Variants in CADM2 observed in about 807,000 individuals in gnomAD.
The protein encoded by CADM2 is immunoglobulin superfamily member 4D.
A neutral mutation model predicts 49.8 loss-of-function variants in CADM2; 12 were observed. The observed-to-expected ratio is 0.24, with a 90% CI of 0.15 to 0.39. CADM2 has a LOEUF of 0.39. Ranked by LOEUF, CADM2 falls within the 10% of genes least tolerant of loss-of-function variation. The pLI, the probability that CADM2 is intolerant of heterozygous loss-of-function variation, is 1.00. For synonymous variants in CADM2, 214 were observed against 175.4 expected, an observed-to-expected ratio of 1.22 and a Z score of -1.74; for missense variants, 378 against 492.3, an observed-to-expected ratio of 0.77 and a Z score of 2.20.
intron 1 of CADM2, among the ~76,000 whole-genome samples, chr3:85,281,250 G>T (rs779391962): frequency 6.6e-6 from 1 of 151,838 alleles, no homozygotes; most frequent in African/African-American, 2.4e-5. Flanking sequence ...CTAAATCATT[G>T]TGTGTTTGTA....
intron 1 of CADM2, among the ~76,000 whole-genome samples, chr3:85,420,795 T>A (rs933350810): frequency 3.3e-5 from 5 of 152,156 alleles, no homozygotes; most frequent in East Asian, 1.9e-4. Flanking sequence ...ATGTGATAAA[T>A]AAGACTTTTT....
intron 2 of CADM2, among the ~76,000 whole-genome samples, chr3:85,737,235 ATCT>A (rs999989334): frequency 6.6e-6 from 1 of 152,182 alleles, no homozygotes; most frequent in Admixed American, 6.5e-5. Context: ...AGAAGATAAG[ATCT>A]TCTTTACCTA....
chr3:85,237,131 C>T (rs1345294245), intron 1 of CADM2, among the ~76,000 whole-genome samples: 9 of 151,798 alleles, frequency 5.9e-5, no homozygotes, highest in Admixed American at 5.3e-4. Flanking sequence ...CAAAGGCAAG[C>T]GATTAGTTTT....
intron 1 of CADM2, among the ~76,000 whole-genome samples, chr3:85,339,711 G>A (rs2045190015): frequency 6.6e-6 from 1 of 151,276 alleles, no homozygotes; most frequent in Non-Finnish European, 1.5e-5. Context: ...GAAATTAACT[G>A]AAAGTCAAGA....
intron 3 of CADM2, among the ~76,000 whole-genome samples, chr3:85,832,836 A>G (rs1359048451): frequency 3.3e-5 from 5 of 151,906 alleles, no homozygotes; most frequent in Non-Finnish European, 7.4e-5. Context: ...GAATTTCAGT[A>G]AAGTGTTGAA....
chr3:85,118,978 A>G (rs1319416083), intron 1 of CADM2, among the ~76,000 whole-genome samples: 1 of 152,026 alleles, frequency 6.6e-6, no homozygotes, highest in African/African-American at 2.4e-5. Flanking sequence ...CGAACTCCCA[A>G]CCTCAGGTGA....
chr3:85,304,731 C>A (rs557403187), intron 1 of CADM2, among the ~76,000 whole-genome samples: 1 of 151,690 alleles, frequency 6.6e-6, no homozygotes, highest in East Asian at 1.9e-4. Flanking sequence ...TTCATGGTGA[C>A]CCCCAACTCT....
At chr3:85,102,924 A>G (rs1167904906) in intron 1 of CADM2, among the ~76,000 whole-genome samples, 1 of 152,156 alleles carries the variant, frequency 6.6e-6, no homozygotes, top group Non-Finnish European at 1.5e-5. Context: ...AGGCCTTGTG[A>G]GTCAATGATA....
At chr3:85,850,007 T>C (rs1180844591) in intron 3 of CADM2, among the ~76,000 whole-genome samples, 4 of 152,160 alleles carry the variant, frequency 2.6e-5, no homozygotes, top group Admixed American at 6.5e-5. Context: ...ATAAAAGAAT[T>C]GGTAAAAAGG....
chr3:85,170,283 G>T (rs1401111502), intron 1 of CADM2, among the ~76,000 whole-genome samples: 1 of 151,870 alleles, frequency 6.6e-6, no homozygotes, highest in Admixed American at 6.6e-5. Context: ...TGTCTTTTAG[G>T]TAAAATGTAG....
intron 1 of CADM2, among the ~76,000 whole-genome samples, chr3:85,170,983 G>T (rs1447053281): frequency 6.6e-6 from 1 of 152,114 alleles, no homozygotes; most frequent in Non-Finnish European, 1.5e-5. Context: ...TCCTTAGGTT[G>T]TCACAATTCT....
At chr3:85,045,234 C>T (rs888676974) in intron 1 of CADM2, among the ~76,000 whole-genome samples, 4 of 152,132 alleles carry the variant, frequency 2.6e-5, no homozygotes, top group Non-Finnish European at 5.9e-5. Flanking sequence ...AGATTTATTT[C>T]AGTTTTGGAA....
chr3:85,627,489 T>C (rs1475815050), intron 1 of CADM2, among the ~76,000 whole-genome samples: 1 of 152,048 alleles, frequency 6.6e-6, no homozygotes. Flanking sequence ...GAATGTTAGA[T>C]ATTTATATAA....
At chr3:85,564,323 C>T (rs2326320) in intron 1 of CADM2, among the ~76,000 whole-genome samples, 77,771 of 151,740 alleles carry the variant, frequency 0.51, 22,987 homozygotes, top group East Asian at 0.85. Context: ...TCTCATAAAA[C>T]AGCTGGACTT....
At chr3:85,792,167 AT>A (rs1379885554) in intron 2 of CADM2, among the ~76,000 whole-genome samples, 3 of 152,246 alleles carry the variant, frequency 2.0e-5, no homozygotes, top group South Asian at 2.1e-4. Context: ...GAACAAAAAA[AT>A]ATTTTAAAAA....
chr3:85,698,627 C>T (rs2066647372), intron 1 of CADM2, among the ~76,000 whole-genome samples: 1 of 152,000 alleles, frequency 6.6e-6, no homozygotes, highest in Non-Finnish European at 1.5e-5. Flanking sequence ...TTTTAAACAG[C>T]CAGATCTTAT....
chr3:85,331,870 T>G (rs944615413), intron 1 of CADM2, among the ~76,000 whole-genome samples: 1 of 152,108 alleles, frequency 6.6e-6, no homozygotes, highest in African/African-American at 2.4e-5. Context: ...ATTGTCCCAG[T>G]GTATAAAACC....
At chr3:85,425,979 C>G (rs1220003793) in intron 1 of CADM2, among the ~76,000 whole-genome samples, 1 of 152,106 alleles carries the variant, frequency 6.6e-6, no homozygotes, top group African/African-American at 2.4e-5. Flanking sequence ...GAATAAGAGC[C>G]TAAGAAGGCT....
At chr3:85,883,128 A>G (rs1713055668) in intron 3 of CADM2, among the ~76,000 whole-genome samples, 163 bp from the exon 4 acceptor site, 1 of 152,226 alleles carries the variant, frequency 6.6e-6, no homozygotes, top group African/African-American at 2.4e-5. Context: ...ATCTGATAAA[A>G]TATTTCAATA....
Sources: gnomAD v4.1 joint callset for allele counts (sites outside exome capture counted in the v4.1 genomes callset) on GRCh38, gnomAD v4.1.1 for gene constraint, MANE v1.5 for transcripts, NCBI Gene and HGNC (gene_info 2026-07-23, HGNC 2026-07-21) for gene names.